TACR1: variants seen among roughly 807,000 people sequenced by gnomAD.
The protein encoded by TACR1 is tachykinin receptor 1.
Under a neutral mutation model 35.8 loss-of-function variants are expected in TACR1, and 25 were observed. The ratio of observed to expected loss-of-function variants is 0.70; its 90% CI spans 0.51 to 0.98. TACR1 has a LOEUF of 0.98. Among genes scored for constraint, TACR1 ranks in the 50% least tolerant of loss-of-function variants. The probability of loss-of-function intolerance (pLI) is 0.00; values close to 1 mark genes in which losing one functional copy is unlikely to be tolerated. For missense variants in TACR1, 478 were observed against 522.9 expected (o/e 0.91, Z 0.84); for synonymous variants, 195 against 206.7 (o/e 0.94, Z 0.48).
At chr2:75,092,350 A>G (rs908753430) in intron 2 of TACR1, among the ~76,000 whole-genome samples, 5 of 152,142 alleles carry the variant, frequency 3.3e-5, no homozygotes, top group Admixed American at 6.5e-5. Flanking sequence ...CCCTTAATGC[A>G]TTGTGGTGCT....
At chr2:75,093,609 C>G (rs887532697) in intron 2 of TACR1, among the ~76,000 whole-genome samples, 1 of 152,166 alleles carries the variant, frequency 6.6e-6, no homozygotes, top group Non-Finnish European at 1.5e-5. Flanking sequence ...CAGGAGCTCC[C>G]TGCCTTGTAT....
intron 3 of TACR1, 74 bp from the exon 4 acceptor site, chr2:75,051,521 C>T (rs17838410): frequency 3.7e-5 from 58 of 1,583,080 alleles, no homozygotes; most frequent in Admixed American, 5.4e-5. Flanking sequence ...TCTCCTCCCA[C>T]GCCCTCACTG....
In TACR1 at chr2:75,089,391, T is replaced by A. The variant is rs190618419; in HGVS notation, c.584+31183A>T. On this transcript the variant is annotated intron_variant, in intron 2 of 4. Coordinates refer to ENST00000305249, the MANE Select transcript of TACR1 (RefSeq NM_001058.4). ...CTGATAAATGTGTGGACCTAATGTC[T>A]TTCTCTTAACTTTTCATTGGACTCC... 2.8e-3 allele frequency among the ~76,000 whole-genome samples: 427 copies of A among 152,350 alleles called. 3 individuals carry two copies. The highest frequency in any genetic ancestry group is 9.5e-3 in the African/African-American group (397 of 41,588).
At chr2:75,049,934 C>T (rs1672435177) in intron 4 of TACR1, among the ~76,000 whole-genome samples, 1 of 151,926 alleles carries the variant, frequency 6.6e-6, no homozygotes, top group South Asian at 2.1e-4. Flanking sequence ...AAAAATCCAA[C>T]ACTGGAACAA....
intron 1 of TACR1, among the ~76,000 whole-genome samples, chr2:75,186,244 C>T (rs923919974): frequency 6.6e-6 from 1 of 151,606 alleles, no homozygotes; most frequent in Non-Finnish European, 1.5e-5. Flanking sequence ...TGGTGGCTCG[C>T]GCCTGTAATC....
chr2:75,072,005 C>T lies in TACR1; in HGVS notation c.585-18250G>A, dbSNP rs537236305. Among the ~76,000 whole-genome samples, 7 of 152,178 alleles carry T rather than the reference C, an allele frequency of 4.6e-5. No homozygotes were observed. The South Asian group carries it at 6.2e-4, about 14-fold the overall frequency. On this transcript the variant is annotated intron_variant, in intron 2 of 4. Coordinates refer to ENST00000305249, the MANE Select transcript of TACR1 (RefSeq NM_001058.4). ...TCATGAAAAAAATAACTGCAGCAAGCGTAGCATAGATGTTTGTTTGTGCTA... is the reference window on the plus strand; with the variant it reads ...TCATGAAAAAAATAACTGCAGCAAGTGTAGCATAGATGTTTGTTTGTGCTA...
At chr2:75,167,592 A>C (rs1178107819) in intron 1 of TACR1, among the ~76,000 whole-genome samples, 1 of 152,236 alleles carries the variant, frequency 6.6e-6, no homozygotes, top group Non-Finnish European at 1.5e-5. Flanking sequence ...CAATTGGTAA[A>C]CTATTTGGAA....
intron 2 of TACR1, 29 bp downstream of exon 2, chr2:75,120,545 C>A (rs569047484): frequency 7.1e-6 from 11 of 1,553,884 alleles, no homozygotes; most frequent in Non-Finnish European, 8.7e-6. Context: ...ACCATCGTTT[C>A]TTTGGCATGG....
chr2:75,191,832 C>G (rs367633792), intron 1 of TACR1, among the ~76,000 whole-genome samples: 1 of 151,998 alleles, frequency 6.6e-6, no homozygotes, highest in African/African-American at 2.4e-5. Flanking sequence ...TTGCTCATGA[C>G]GCACACATTT....
chr2:75,109,387 G>A (rs1673708535), intron 2 of TACR1, among the ~76,000 whole-genome samples: 1 of 151,978 alleles, frequency 6.6e-6, no homozygotes, highest in African/African-American at 2.4e-5. Flanking sequence ...TTTTAAATCT[G>A]GAATTTAAAG....
At chr2:75,121,757 A>G (rs911665387) in intron 1 of TACR1, among the ~76,000 whole-genome samples, 7 of 152,212 alleles carry the variant, frequency 4.6e-5, no homozygotes, top group African/African-American at 1.7e-4. Flanking sequence ...AGAAGGAATG[A>G]TATCTTATAG....
intron 1 of TACR1, among the ~76,000 whole-genome samples, chr2:75,140,632 A>G (rs1271265022): frequency 2.6e-5 from 4 of 152,134 alleles, no homozygotes; most frequent in Admixed American, 2.0e-4. Context: ...CCTTTCTCTA[A>G]TCTTCTCCAT....
At chr2:75,079,772 A>T (rs1673047925) in intron 2 of TACR1, among the ~76,000 whole-genome samples, 1 of 142,286 alleles carries the variant, frequency 7.0e-6, no homozygotes, top group Non-Finnish European at 1.5e-5. Context: ...TCACTCTGGA[A>T]TGAGTCATTT....
chr2:75,115,545 T>C (rs1673835814), intron 2 of TACR1, among the ~76,000 whole-genome samples: 1 of 152,094 alleles, frequency 6.6e-6, no homozygotes, highest in African/African-American at 2.4e-5. Flanking sequence ...TTGAAGACAA[T>C]CTAAAGTCCA....
In TACR1 at chr2:75,198,836, G is replaced by A. The variant is rs1676061130; in HGVS notation, c.99C>T (p.Val33=). 6.2e-7 allele frequency: 1 copy of A among 1,614,150 alleles called. No homozygotes were observed. Among genetic ancestry groups the A allele is most frequent in the African/African-American group, 1.3e-5 (1 of 75,054 alleles). ...NQFVQPAWQI[V]LWAAAYTVIV... is the part of the protein sequence containing the mutation. ...TGACCGTGTAGGCAGCTGCCCAAAG[G>A]ACAATTTGCCAGGCTGGTTGCACGA... The change falls in exon 1 of 5, where the codon GTC becomes GTT. Residue 33 remains valine (V), a synonymous_variant. Coordinates refer to ENST00000305249, the MANE Select transcript of TACR1 (RefSeq NM_001058.4).
intron 1 of TACR1, among the ~76,000 whole-genome samples, chr2:75,135,277 C>T (rs1048662618): frequency 1.3e-5 from 2 of 152,234 alleles, no homozygotes; most frequent in African/African-American, 2.4e-5. Context: ...TCAGTTTTCT[C>T]CTTCTGAAAT....
At chr2:75,064,456 C>T (rs938985937) in intron 2 of TACR1, among the ~76,000 whole-genome samples, 4 of 152,132 alleles carry the variant, frequency 2.6e-5, no homozygotes, top group African/African-American at 9.7e-5. Context: ...GGGCAGAAGC[C>T]TAATTTAGGT....
intron 1 of TACR1, chr2:75,187,984 AG>A (rs1376006290): frequency 6.6e-6 from 1 of 152,214 alleles, no homozygotes; most frequent in Non-Finnish European, 1.5e-5. Flanking sequence ...AAAGAACTTC[AG>A]GAACAAATTT....
intron 2 of TACR1, among the ~76,000 whole-genome samples, chr2:75,056,854 A>G (rs898579599): frequency 1.6e-4 from 24 of 152,248 alleles, no homozygotes; most frequent in Non-Finnish European, 2.9e-4. Context: ...TGGTTTTTCC[A>G]TGTTCCTATA....
Sources: gnomAD v4.1 joint callset for allele counts (sites outside exome capture counted in the v4.1 genomes callset) on GRCh38, gnomAD v4.1.1 for gene constraint, MANE v1.5 for transcripts, NCBI Gene and HGNC (gene_info 2026-07-23, HGNC 2026-07-21) for gene names.